Variants in PRTG observed in about 807,000 individuals in gnomAD.
PRTG encodes the protein protogenin.
A neutral mutation model predicts 122.5 loss-of-function variants in PRTG; 67 were observed. That is an observed-to-expected ratio of 0.55 (90% CI 0.45 to 0.67). PRTG has a LOEUF of 0.67. Among genes scored for constraint, PRTG ranks in the 30% least tolerant of loss-of-function variants. The pLI is 0.00. For synonymous variants in PRTG, 554 were observed against 501.1 expected, an observed-to-expected ratio of 1.11 and a Z score of -1.41; for missense variants, 1,435 against 1,415.4, an observed-to-expected ratio of 1.01 and a Z score of -0.22.
chr15:55,650,174 G>A (rs1439261727), intron 11 of PRTG, among the ~76,000 whole-genome samples: 1 of 152,086 alleles, frequency 6.6e-6, no homozygotes, highest in African/African-American at 2.4e-5. Flanking sequence ...TCATCTGTAC[G>A]ATTAGAAAGC....
At chr15:55,626,632 C>T (rs2059196569) in intron 17 of PRTG, among the ~76,000 whole-genome samples, 1 of 151,242 alleles carries the variant, frequency 6.6e-6, no homozygotes. Flanking sequence ...GTGGCGGGCG[C>T]CTGGAGTCCC....
intron 19 of PRTG, 132 bp from the exon 20 acceptor site, chr15:55,620,398 C>A: frequency 6.8e-7 from 1 of 1,464,158 alleles, no homozygotes; most frequent in Non-Finnish European, 9.0e-7. Context: ...TCAAAAGCTT[C>A]TTCAGTGCTT....
At chr15:55,666,048 CT>C (rs905344005) in intron 11 of PRTG, among the ~76,000 whole-genome samples, 90 of 152,308 alleles carry the variant, frequency 5.9e-4, no homozygotes, top group African/African-American at 2.1e-3. Context: ...ATATGGCCCA[CT>C]GTATCAGTCT....
chr15:55,661,879 A>C (rs2059411782), intron 11 of PRTG, among the ~76,000 whole-genome samples: 1 of 116,486 alleles, frequency 8.6e-6, no homozygotes, highest in Non-Finnish European at 1.9e-5. Flanking sequence ...AAGAAAAAGA[A>C]ATCTTGCTTA....
At chr15:55,689,985 G>A (rs1567101098) in intron 2 of PRTG, among the ~76,000 whole-genome samples, 1 of 151,276 alleles carries the variant, frequency 6.6e-6, no homozygotes, top group African/African-American at 2.4e-5. Context: ...CTGTTTTTAT[G>A]GCAACATGCG....
intron 12 of PRTG, among the ~76,000 whole-genome samples, chr15:55,640,624 G>A (rs1298240554): frequency 6.6e-6 from 1 of 152,144 alleles, no homozygotes; most frequent in African/African-American, 2.4e-5. Flanking sequence ...ATTTTCCTCA[G>A]TTAAATGTCT....
chr15:55,698,569 G>C (rs1317418306), intron 2 of PRTG, among the ~76,000 whole-genome samples: 1 of 152,200 alleles, frequency 6.6e-6, no homozygotes, highest in African/African-American at 2.4e-5. Context: ...GGGATTACAG[G>C]CATGAGCTGC....
chr15:55,739,032 T>A (rs1386279408), intron 2 of PRTG, among the ~76,000 whole-genome samples: 2 of 152,106 alleles, frequency 1.3e-5, no homozygotes, highest in Admixed American at 1.3e-4. Context: ...GGTAGGAGTG[T>A]GGCTAGAACC....
chr15:55,669,557 G>T (rs368933571), intron 11 of PRTG, among the ~76,000 whole-genome samples: 2 of 152,194 alleles, frequency 1.3e-5, no homozygotes, highest in Non-Finnish European at 2.9e-5. Context: ...ACACTTGCCT[G>T]CTTAGTGAGT....
chr15:55,645,201 C>T (rs113399094), intron 11 of PRTG, among the ~76,000 whole-genome samples: 2,554 of 151,162 alleles, frequency 0.017, 73 homozygotes, highest in African/African-American at 0.059. Flanking sequence ...TTTGGGAGGC[C>T]GAGACGGGCG....
At position 55,725,349 on chromosome 15, in the gene PRTG, AAAG is replaced by A. The variant is rs1372984219; in HGVS notation, c.397+15030_397+15032del. Among the ~76,000 whole-genome samples, 11 of 152,304 alleles carry A rather than the reference AAAG, an allele frequency of 7.2e-5. No homozygotes were observed. The East Asian group carries it at 2.1e-3, about 29-fold the overall frequency. ...TTCACTACAAAAGCAACTAAACACA[AAAG>A]AAGTTAGGAATGCTGAAAATGAGAG... is the stretch of plus-strand genomic sequence containing the variant. On this transcript the variant is annotated intron_variant, in intron 2 of 19. Coordinates refer to ENST00000389286, the MANE Select transcript of PRTG (RefSeq NM_173814.6).
At chr15:55,650,768 C>A (rs1486206229) in intron 11 of PRTG, among the ~76,000 whole-genome samples, 1 of 151,970 alleles carries the variant, frequency 6.6e-6, no homozygotes, top group East Asian at 1.9e-4. Flanking sequence ...AGTTCAAGAC[C>A]AACCCGGGCA....
intron 2 of PRTG, among the ~76,000 whole-genome samples, chr15:55,703,602 T>C (rs1469148042): frequency 6.6e-6 from 1 of 152,162 alleles, no homozygotes; most frequent in Non-Finnish European, 1.5e-5. Context: ...AGGTTGTCAA[T>C]AAGAAAAGTC....
chr15:55,663,613 C>T (rs1184900148), intron 11 of PRTG, among the ~76,000 whole-genome samples: 1 of 151,760 alleles, frequency 6.6e-6, no homozygotes, highest in Non-Finnish European at 1.5e-5. Context: ...GCTATCTCAG[C>T]TCACTGCAAC....
At chr15:55,699,828 C>T (rs1243187332) in intron 2 of PRTG, among the ~76,000 whole-genome samples, 1 of 151,968 alleles carries the variant, frequency 6.6e-6, no homozygotes, top group East Asian at 1.9e-4. Flanking sequence ...AAGTATTCAC[C>T]AGATATAAAA....
chr15:55,661,082 T>G (rs932814209), intron 11 of PRTG, among the ~76,000 whole-genome samples: 1 of 152,202 alleles, frequency 6.6e-6, no homozygotes, highest in African/African-American at 2.4e-5. Context: ...CCCCTATCTT[T>G]TGATCATGCC....
At chr15:55,721,941 C>G (rs960164806) in intron 2 of PRTG, among the ~76,000 whole-genome samples, 2 of 152,210 alleles carry the variant, frequency 1.3e-5, no homozygotes, top group African/African-American at 4.8e-5. Flanking sequence ...TCCCACCACA[C>G]GTGGAGATTA....
intron 13 of PRTG, among the ~76,000 whole-genome samples, chr15:55,639,406 G>C (rs1394226221): frequency 6.6e-6 from 1 of 152,098 alleles, no homozygotes; most frequent in African/African-American, 2.4e-5. Flanking sequence ...GCCTAATCTT[G>C]TTGCATGAGG....
intron 2 of PRTG, among the ~76,000 whole-genome samples, chr15:55,694,923 C>T (rs1182369176): frequency 6.6e-6 from 1 of 152,124 alleles, no homozygotes; most frequent in South Asian, 2.1e-4. Context: ...TTAACGTAAA[C>T]CAAGAGCCCC....
Sources: allele counts gnomAD v4.1 joint callset (sites outside exome capture counted in the v4.1 genomes callset), GRCh38; gene constraint gnomAD v4.1.1; transcripts MANE v1.5; gene names NCBI Gene and HGNC (gene_info 2026-07-23, HGNC 2026-07-21).